SAGE1: variants seen among roughly 807,000 people sequenced by gnomAD.
The protein encoded by SAGE1 is sarcoma antigen 1.
In SAGE1, 55 loss-of-function variants were observed where a neutral mutation model predicts 55.4. The ratio of observed to expected loss-of-function variants is 0.99; its 90% CI spans 0.80 to 1.24. The LOEUF (loss-of-function observed/expected upper bound fraction) is 1.24, where lower values mean the gene tolerates loss of function less well. Among genes scored for constraint, SAGE1 ranks in the 50% most tolerant of loss-of-function variants. The probability of loss-of-function intolerance (pLI) is 0.00; values close to 1 mark genes in which losing one functional copy is unlikely to be tolerated. For synonymous variants in SAGE1, 240 were observed against 244.3 expected, an observed-to-expected ratio of 0.98 and a Z score of 0.17; for missense variants, 710 against 704.4, an observed-to-expected ratio of 1.01 and a Z score of -0.09.
In SAGE1 at chrX:135,912,828, C is replaced by T. The variant is rs369586458; in HGVS notation, c.2646C>T (p.Leu882=). 6.0e-5 allele frequency: 72 copies of T among 1,207,850 alleles called. No individual in the cohort carries two copies. Among genetic ancestry groups the T allele is most frequent in the East Asian group, 4.4e-4 (15 of 33,750 alleles). Residue 882 remains leucine (L), a synonymous_variant, in exon 20 of 20, where the codon CTC becomes CTT. Transcript: ENST00000370709. ...RFKKVVLIQQ[L]EKALKEIDSH... ...AAAAAGTTGTCTTAATTCAGCAACTCGAGAAGGCGCTTAAAGAAATAGATT... is the reference window on the plus strand; with the variant it reads ...AAAAAGTTGTCTTAATTCAGCAACTTGAGAAGGCGCTTAAAGAAATAGATT...
intron 6 of SAGE1, 51 bp from the exon 7 acceptor site, chrX:135,906,360 G>T (rs1556601019): frequency 1.7e-6 from 2 of 1,175,680 alleles, no homozygotes; most frequent in Non-Finnish European, 2.3e-6. Context: ...ATACTTGTGA[G>T]TTGGCATAAT....
At position 135,910,849 on chromosome X, in the gene SAGE1, G is replaced by A. The variant is rs782037029; in HGVS notation, c.2005+294G>A. Among the ~76,000 whole-genome samples the A allele has an allele frequency of 1.4e-4, 16 of 110,592 alleles. No homozygotes were observed. In the East Asian group the frequency reaches 2.9e-3, roughly 20 times the overall value. ...TGTCCGTGGAGAGAAGATAAAAAAC[G>A]GCCAACCAGCATCTCATAACTTCTT... On this transcript the variant is annotated intron_variant, in intron 16 of 19. Coordinates refer to ENST00000370709, the MANE Select transcript of SAGE1 (RefSeq NM_001381902.1).
At position 135,907,783 on chromosome X, in the gene SAGE1, A is replaced by G. The variant is rs782796308; in HGVS notation, c.1101A>G (p.Leu367=). Residue 367 remains leucine (L), a synonymous_variant, in exon 10 of 20, where the codon CTA becomes CTG. Transcript: ENST00000370709. ...PLPSNALSTV[L]PGLAYLATAD... ...CTAGTAACGCCTTGTCAACTGTTCT[A>G]CCAGGGCTTGCTTATTTGGCAACAG... 3.0e-5 allele frequency: 36 copies of G among 1,208,451 alleles called. No homozygotes were observed. Among genetic ancestry groups the G allele is most frequent in the Middle Eastern group, 4.6e-4 (2 of 4,367 alleles).
intron 6 of SAGE1, 111 bp downstream of exon 6, chrX:135,906,275 G>C: frequency 9.4e-7 from 1 of 1,062,272 alleles, no homozygotes; most frequent in Non-Finnish European, 1.3e-6. Flanking sequence ...CTAAATCTGA[G>C]GGGTCTCACA....
In SAGE1 at chrX:135,907,245, T is replaced by C. The variant is rs1286929799; in HGVS notation, c.878-68T>C. The C allele has an allele frequency of 5.4e-6, 6 of 1,121,311 alleles. No homozygotes were observed. The African/African-American group carries it at 5.5e-5, about 10-fold the overall frequency. 92.4% of individuals were successfully genotyped at this position (1,121,311 alleles called of 1,213,427 possible). A position where few individuals can be genotyped will look rare whatever the true frequency, so the allele number is the denominator to read the frequency against. ...ATAATTTCTTAGAAGCTGAGCATCATAGGGGTATACCTGTGGGGCTGACAT... is the reference window on the plus strand; with the variant it reads ...ATAATTTCTTAGAAGCTGAGCATCACAGGGGTATACCTGTGGGGCTGACAT... On this transcript the variant is annotated intron_variant, in intron 8 of 19. Coordinates refer to ENST00000370709, the MANE Select transcript of SAGE1 (RefSeq NM_001381902.1).
At chrX:135,911,032 T>C (rs1569521734) in intron 16 of SAGE1, among the ~76,000 whole-genome samples, 160 bp from the exon 17 acceptor site, 2 of 111,291 alleles carry the variant, frequency 1.8e-5, no homozygotes, top group Non-Finnish European at 3.8e-5. Context: ...TTTTGCGGTA[T>C]TACTTTTGCT....
In SAGE1 at chrX:135,905,210, A is replaced by T. The variant is rs201099267; in HGVS notation, c.314-42A>T. ...GGGATATACTGGTTCAATTGTCATA[A>T]TGCACATACCTCACAACTCAACCTG... On this transcript the variant is annotated intron_variant, in intron 4 of 19. Coordinates refer to ENST00000370709, the MANE Select transcript of SAGE1 (RefSeq NM_001381902.1). The T allele has an allele frequency of 5.0e-5, 58 of 1,167,827 alleles. 1 individual carries two copies. In the Middle Eastern group the frequency reaches 3.1e-3, roughly 62 times the overall value.
At chrX:135,901,721 A>G in intron 3 of SAGE1, 30 bp downstream of exon 3, 4 of 1,175,211 alleles carry the variant, frequency 3.4e-6, no homozygotes, top group Non-Finnish European at 4.6e-6. Context: ...TTGGGCCTCA[A>G]CCATGTCAAA....
Position 135,911,436 on chromosome X carries a change from A to T in SAGE1, c.2146+104A>T, listed in dbSNP as rs1279402883. On this transcript the variant is annotated intron_variant, in intron 17 of 19. Coordinates refer to ENST00000370709, the MANE Select transcript of SAGE1 (RefSeq NM_001381902.1). Reference sequence around the variant, plus strand: ...TTGTTGTATTATCTTACTCAAACTTAGTTTGAGGGGTCTTGGATCACCACC... The same window carrying T: ...TTGTTGTATTATCTTACTCAAACTTTGTTTGAGGGGTCTTGGATCACCACC... 11 of 932,783 alleles carry T rather than the reference A, an allele frequency of 1.2e-5. No individual in the cohort carries two copies. In the African/African-American group the frequency reaches 2.0e-4, roughly 17 times the overall value. 76.9% of individuals were successfully genotyped at this position (932,783 alleles called of 1,213,427 possible).
chrX:135,910,714 A>G (rs1490210754), intron 16 of SAGE1, among the ~76,000 whole-genome samples, 159 bp downstream of exon 16: 1 of 111,295 alleles, frequency 9.0e-6, no homozygotes, highest in African/African-American at 3.3e-5. Flanking sequence ...TTTATTGATA[A>G]CTTCCTAGAA....
At chrX:135,910,248 T>G (rs1405191040) in intron 15 of SAGE1, 78 bp downstream of exon 15, 12 of 1,078,881 alleles carry the variant, frequency 1.1e-5, no homozygotes, top group Non-Finnish European at 5.1e-6. Context: ...GAATGTAGTT[T>G]TGTTGTATTA....
At chrX:135,896,811 C>A (rs782707440) in intron 2 of SAGE1, among the ~76,000 whole-genome samples, 15 of 110,828 alleles carry the variant, frequency 1.4e-4, no homozygotes, top group Non-Finnish European at 2.3e-4. Context: ...CCGCCCACCT[C>A]GCCTCCCAAA....
chrX:135,899,628 TG>T (rs1382537317), intron 2 of SAGE1, among the ~76,000 whole-genome samples: 6 of 112,143 alleles, frequency 5.4e-5, no homozygotes, highest in Non-Finnish European at 1.1e-4. Flanking sequence ...TCCATGAGCA[TG>T]GAATGTTTTT....
At chrX:135,912,507 C>A in intron 19 of SAGE1, 93 bp downstream of exon 19, 1 of 1,175,921 alleles carries the variant, frequency 8.5e-7, no homozygotes, top group African/African-American at 1.8e-5. Context: ...TCCTCCTAAT[C>A]CCTGGCCCTC....
At chrX:135,904,000 A>G (rs1556598503) in intron 3 of SAGE1, among the ~76,000 whole-genome samples, 1 of 112,050 alleles carries the variant, frequency 8.9e-6, no homozygotes, top group African/African-American at 3.2e-5. Context: ...TTAGAACCTG[A>G]TTAATACACA....
At chrX:135,907,974 A>G (rs1349279299) in intron 10 of SAGE1, 115 bp from the exon 11 acceptor site, 2 of 1,055,407 alleles carry the variant, frequency 1.9e-6, no homozygotes, top group East Asian at 3.0e-5. Flanking sequence ...GCTCCCTGGT[A>G]TATCCTAGTT....
At chrX:135,903,210 C>G (rs1464858307) in intron 3 of SAGE1, among the ~76,000 whole-genome samples, 1 of 112,608 alleles carries the variant, frequency 8.9e-6, no homozygotes, top group Admixed American at 9.4e-5. Context: ...GGAACTCTCC[C>G]TCTGCCTCTG....
In SAGE1 at chrX:135,905,875, G is replaced by A. The variant is rs2088777310; in HGVS notation, c.455-149G>A. The A allele has an allele frequency of 1.2e-5, 6 of 496,403 alleles. No individual in the cohort carries two copies. The East Asian group carries it at 1.8e-4, about 15-fold the overall frequency. The allele number at this position is 496,403 out of a possible 1,213,427, so 40.9% of individuals were successfully genotyped here. A position where few individuals can be genotyped will look rare whatever the true frequency, so the allele number is the denominator to read the frequency against. ...TGGTTTCGTTTTATTATCTTTTCTG[G>A]CCTAAAATTCAGGGGTCTCAAATCA... On this transcript the variant is annotated intron_variant, in intron 5 of 19. Transcript: ENST00000370709.
intron 3 of SAGE1, among the ~76,000 whole-genome samples, chrX:135,902,536 T>C (rs2088697453): frequency 8.9e-6 from 1 of 112,304 alleles, no homozygotes; most frequent in Non-Finnish European, 1.9e-5. Context: ...TGAGGAATCC[T>C]GGTTTTTACA....
Sources: allele counts gnomAD v4.1 joint callset (sites outside exome capture counted in the v4.1 genomes callset), GRCh38; gene constraint gnomAD v4.1.1; transcripts MANE v1.5; gene names NCBI Gene and HGNC (gene_info 2026-07-23, HGNC 2026-07-21).